Variants in LAD1 observed in about 807,000 individuals in gnomAD.
LAD1 encodes the protein ladinin 1.
A neutral mutation model predicts 54.2 loss-of-function variants in LAD1; 53 were observed. The ratio of observed to expected loss-of-function variants is 0.98; its 90% CI spans 0.78 to 1.23. LAD1 has a LOEUF of 1.23. Ranked by LOEUF, LAD1 falls within the 50% of genes most tolerant of loss-of-function variation. The pLI, the probability that LAD1 is intolerant of heterozygous loss-of-function variation, is 0.00. For missense variants in LAD1, 637 were observed against 653.3 expected (o/e 0.98, Z 0.27); for synonymous variants, 231 against 257.7 (o/e 0.90, Z 0.99).
chr1:201,382,140 G>A, intron 9 of LAD1, 112 bp downstream of exon 9: 1 of 974,894 alleles, frequency 1.0e-6, no homozygotes, highest in Admixed American at 1.8e-5. Context: ...GGGGCGTTCT[G>A]GGTGGACTGC....
chr1:201,399,225 T>TCCCCGCCGACC (rs1571727603), intron 1 of LAD1, 44 bp downstream of exon 1: 3 of 1,493,660 alleles, frequency 2.0e-6, no homozygotes, highest in Non-Finnish European at 2.7e-6. Context: ...ACCCAAAGGC[T>TCCCCGCCGACC]CCCCGCCGAC....
Position 201,388,205 on chromosome 1 carries a change from A to G in LAD1, c.182+955T>C, listed in dbSNP as rs572525442. The stretch of plus-strand genomic sequence containing the variant: ...CAGGAGTTCAAGATCAGCCTGCCCA[A>G]CATGGTGAAACCCCATCTCTCCTAA... On this transcript the variant is annotated intron_variant, in intron 2 of 9. Transcript: ENST00000391967. 6.6e-5 allele frequency among the ~76,000 whole-genome samples: 10 copies of G among 152,322 alleles called. No individual in the cohort carries two copies. In the East Asian group the frequency reaches 1.7e-3, roughly 26 times the overall value.
At position 201,381,906 on chromosome 1, in the gene LAD1, G is replaced by C. The variant is rs1229489534; in HGVS notation, c.1549-13C>G. ...GGGCTTGTCACACCTGTGGGGCAAAGAGCTGTTAGCACAAGTCAATGGGGT... is the reference window on the plus strand; with the variant it reads ...GGGCTTGTCACACCTGTGGGGCAAACAGCTGTTAGCACAAGTCAATGGGGT... On this transcript the variant is annotated splice_polypyrimidine_tract_variant and intron_variant, in intron 9 of 9. Coordinates refer to ENST00000391967, the MANE Select transcript of LAD1 (RefSeq NM_005558.4). 4 of 1,613,452 alleles carry C rather than the reference G, an allele frequency of 2.5e-6. No homozygotes were observed. Among genetic ancestry groups the C allele is most frequent in the Middle Eastern group, 1.6e-4 (1 of 6,072 alleles).
chr1:201,385,953 G>C, intron 3 of LAD1, 148 bp from the exon 4 acceptor site: 1 of 667,504 alleles, frequency 1.5e-6, no homozygotes, highest in Non-Finnish European at 2.7e-6. Context: ...TTCATCTGCT[G>C]TGGGAGTGGC....
chr1:201,381,867 G>A lies in LAD1; in HGVS notation c.*21C>T, dbSNP rs767585476. 2.5e-6 allele frequency: 4 copies of A among 1,613,840 alleles called. No individual in the cohort carries two copies. In the South Asian group the frequency reaches 4.4e-5, roughly 18 times the overall value. On this transcript the variant is annotated 3_prime_UTR_variant, in exon 10 of 10. Coordinates refer to ENST00000391967, the MANE Select transcript of LAD1 (RefSeq NM_005558.4). ...AGGTCCCTTGAGACGAAGACTTGCAGGTCTGTCTTGGCGGGGCTTGTCACA... is the reference window on the plus strand; with the variant it reads ...AGGTCCCTTGAGACGAAGACTTGCAAGTCTGTCTTGGCGGGGCTTGTCACA...
Position 201,382,343 on chromosome 1 carries a change from G to T in LAD1, c.1474-17C>A, listed in dbSNP as rs771149625. 6.2e-7 allele frequency: 1 copy of T among 1,601,088 alleles called. No homozygotes were observed. Among genetic ancestry groups the T allele is most frequent in the Non-Finnish European group, 8.6e-7 (1 of 1,168,130 alleles). ...CTGTGCCTCCTGATTGAGGGTATCA[G>T]GGTGGAGACCAGAGACTAAGACCAG... is the stretch of plus-strand genomic sequence containing the variant. On this transcript the variant is annotated splice_polypyrimidine_tract_variant and intron_variant, in intron 8 of 9. Transcript: ENST00000391967.
chr1:201,399,242 C>A, intron 1 of LAD1, 27 bp downstream of exon 1: 1 of 1,538,568 alleles, frequency 6.5e-7, no homozygotes, highest in Non-Finnish European at 8.7e-7. Flanking sequence ...CGACCCCCCG[C>A]CCCTCCCGGC....
At chr1:201,389,929 CT>C (rs1232352598) in intron 1 of LAD1, among the ~76,000 whole-genome samples, 2 of 151,552 alleles carry the variant, frequency 1.3e-5, no homozygotes, top group East Asian at 1.9e-4. Flanking sequence ...TTGTTTTTTC[CT>C]TTTTTTTGAA....
chr1:201,398,813 T>C (rs573627811), intron 1 of LAD1, among the ~76,000 whole-genome samples: 1 of 152,182 alleles, frequency 6.6e-6, no homozygotes, highest in Non-Finnish European at 1.5e-5. Flanking sequence ...CACTGACCCC[T>C]CCAAGACGGC....
chr1:201,382,392 C>A, intron 8 of LAD1, 66 bp from the exon 9 acceptor site: 1 of 1,267,126 alleles, frequency 7.9e-7, no homozygotes, highest in Non-Finnish European at 1.2e-6. Flanking sequence ...CGGGATACCC[C>A]AGGCCCAGCT....
At chr1:201,391,287 A>T (rs1204091715) in intron 1 of LAD1, 2 of 389,096 alleles carry the variant, frequency 5.1e-6, no homozygotes, top group African/African-American at 4.2e-5. Flanking sequence ...CCCTTCATTC[A>T]TGGGGCCAAG....
chr1:201,395,518 C>T (rs1266337613), intron 1 of LAD1, among the ~76,000 whole-genome samples: 1 of 152,266 alleles, frequency 6.6e-6, no homozygotes, highest in East Asian at 1.9e-4. Flanking sequence ...CTTTGGGAGG[C>T]CAAGGCGGCC....
intron 3 of LAD1, 84 bp from the exon 4 acceptor site, chr1:201,385,889 G>A (rs1287918463): frequency 3.1e-6 from 3 of 955,876 alleles, no homozygotes; most frequent in East Asian, 4.8e-5. Context: ...CTCACCCCAG[G>A]AGCTGCAGGA....
Position 201,386,908 on chromosome 1 carries a change from C to A in LAD1, c.453G>T (p.Arg151=). 1 of 1,613,820 alleles carries A rather than the reference C, an allele frequency of 6.2e-7. No homozygotes were observed. Among genetic ancestry groups the A allele is most frequent in the Non-Finnish European group, 8.5e-7 (1 of 1,179,972 alleles). The change falls in exon 3 of 10, where the codon CGG becomes CGT. Residue 151 remains arginine, a synonymous_variant. Coordinates refer to ENST00000391967, the MANE Select transcript of LAD1 (RefSeq NM_005558.4). The part of the protein sequence containing the change: ...PPRRRLSREQ[R]GPWALEEESL... ...TCTCCTCCTCCAGGGCCCAGGGGCC[C>A]CGCTGTTCCCGACTCAGTCTCCGGC... is the stretch of plus-strand genomic sequence containing the variant.
chr1:201,390,267 C>T (rs573905141), intron 1 of LAD1, among the ~76,000 whole-genome samples: 16 of 149,972 alleles, frequency 1.1e-4, no homozygotes, highest in East Asian at 2.1e-4. Context: ...CATTTTAGGC[C>T]GGGCGCGGTG....
rs1347494562 is a variant in LAD1 at position 201,399,318 on chromosome 1, C to T, written c.-12G>A. 3 of 1,533,502 alleles carry T rather than the reference C, an allele frequency of 2.0e-6. No individual in the cohort carries two copies. Among genetic ancestry groups the T allele is most frequent in the East Asian group, 2.5e-5 (1 of 40,666 alleles). 95.0% of individuals were successfully genotyped at this position (1,533,502 alleles called of 1,614,324 possible). On this transcript the variant is annotated 5_prime_UTR_variant, in exon 1 of 10. Transcript: ENST00000391967. ...CTGCTGACAGCCATGCTGCAGGAGCCCCGCGTGGCCGCCCGCGCCCCGCCG... is the reference window on the plus strand; with the variant it reads ...CTGCTGACAGCCATGCTGCAGGAGCTCCGCGTGGCCGCCCGCGCCCCGCCG...
chr1:201,389,353 T>A (rs1261641675), intron 1 of LAD1, 50 bp from the exon 2 acceptor site: 35 of 1,579,552 alleles, frequency 2.2e-5, no homozygotes, highest in Non-Finnish European at 2.7e-5. Context: ...CCCAGGACCC[T>A]CCCGAGGCAG....
chr1:201,383,214 G>A lies in LAD1; in HGVS notation c.1249-3C>T, dbSNP rs768135049. ...CGAGACTTGACAGATTCTGATCTCT[G>A]GGAACCAAGAACACCAACAGCTGAC... On this transcript the variant is annotated splice_polypyrimidine_tract_variant and splice_region_variant and intron_variant, in intron 6 of 9. Transcript: ENST00000391967. 1 of 1,613,746 alleles carries A rather than the reference G, an allele frequency of 6.2e-7. No homozygotes were observed. The highest frequency in any genetic ancestry group is 1.1e-5 in the South Asian group (1 of 91,072).
intron 1 of LAD1, among the ~76,000 whole-genome samples, chr1:201,396,226 C>G (rs1161389852): frequency 3.9e-5 from 6 of 152,138 alleles, no homozygotes; most frequent in Admixed American, 3.9e-4. Context: ...TCTAGACAAC[C>G]CTTTCCCCCA....
Sources: allele counts gnomAD v4.1 joint callset (sites outside exome capture counted in the v4.1 genomes callset), GRCh38; gene constraint gnomAD v4.1.1; transcripts MANE v1.5; gene names NCBI Gene and HGNC (gene_info 2026-07-23, HGNC 2026-07-21).